Variants in RCHY1 observed in about 807,000 individuals in gnomAD.
The protein encoded by RCHY1 is ring finger and CHY zinc finger domain containing 1.
Under a neutral mutation model 41.6 loss-of-function variants are expected in RCHY1, and 21 were observed. The observed-to-expected ratio is 0.51, with a 90% CI of 0.36 to 0.73. RCHY1 has a LOEUF of 0.73. Among genes scored for constraint, RCHY1 ranks in the 30% least tolerant of loss-of-function variants. RCHY1 has a pLI of 0.00. For synonymous variants in RCHY1, 79 were observed against 102.9 expected, an observed-to-expected ratio of 0.77 and a Z score of 1.41; for missense variants, 265 against 325.3, an observed-to-expected ratio of 0.81 and a Z score of 1.43.
chr4:75,510,843 T>C (rs12639787), intron 1 of RCHY1, among the ~76,000 whole-genome samples: 1 of 152,150 alleles, frequency 6.6e-6, no homozygotes, highest in African/African-American at 2.4e-5. Flanking sequence ...ACTATATTTT[T>C]CCCCCCAAAC....
intron 4 of RCHY1, among the ~76,000 whole-genome samples, chr4:75,492,746 T>A (rs1722864336): frequency 6.6e-6 from 1 of 151,892 alleles, no homozygotes; most frequent in Admixed American, 6.6e-5. Context: ...TTTTGAAAGA[T>A]GACAGTATAG....
At chr4:75,494,427 A>G (rs933976376) in intron 3 of RCHY1, 14 of 380,110 alleles carry the variant, frequency 3.7e-5, no homozygotes, top group Non-Finnish European at 6.1e-5. Context: ...ACACAGACAC[A>G]CACACACATT....
At chr4:75,499,590 T>C (rs1416047831) in intron 3 of RCHY1, among the ~76,000 whole-genome samples, 1 of 152,134 alleles carries the variant, frequency 6.6e-6, no homozygotes, top group African/African-American at 2.4e-5. Context: ...TACTCAGCCA[T>C]TAAAAAGAAT....
intron 1 of RCHY1, among the ~76,000 whole-genome samples, chr4:75,513,385 C>T (rs1216775015): frequency 6.6e-6 from 1 of 152,154 alleles, no homozygotes; most frequent in East Asian, 1.9e-4. Flanking sequence ...TATACACGCC[C>T]TTTAGTATAT....
In RCHY1 at chr4:75,481,711, T is replaced by C. The variant is rs2148702155; in HGVS notation, c.*827A>G. The stretch of plus-strand genomic sequence containing the variant: ...TTTATCTTTATTGTTCACTGTTGTC[T>C]CTACAGCATCTAGAAACATATCTGC... On this transcript the variant is annotated 3_prime_UTR_variant, in exon 9 of 9. Coordinates refer to ENST00000324439, the MANE Select transcript of RCHY1 (RefSeq NM_015436.4). 1 of 152,334 alleles carries C rather than the reference T, an allele frequency of 6.6e-6. No homozygotes were observed. The highest frequency in any genetic ancestry group is 1.9e-4 in the East Asian group (1 of 5,186). 9.4% of individuals were successfully genotyped at this position (152,334 alleles called of 1,614,324 possible). A position where few individuals can be genotyped will look rare whatever the true frequency, so the allele number is the denominator to read the frequency against.
chr4:75,505,159 T>C (rs535947951), intron 3 of RCHY1, among the ~76,000 whole-genome samples: 15 of 152,184 alleles, frequency 9.9e-5, no homozygotes, highest in Non-Finnish European at 1.6e-4. Context: ...CTAGATCCCT[T>C]GAATGCACAG....
At chr4:75,496,548 T>C (rs1294757542) in intron 3 of RCHY1, among the ~76,000 whole-genome samples, 2 of 152,114 alleles carry the variant, frequency 1.3e-5, no homozygotes, top group African/African-American at 4.8e-5. Flanking sequence ...TACTCACACA[T>C]GGCTAGGAAC....
chr4:75,511,102 A>T (rs1249755208), intron 1 of RCHY1, among the ~76,000 whole-genome samples: 7 of 152,222 alleles, frequency 4.6e-5, no homozygotes, highest in Admixed American at 4.6e-4. Context: ...CCTTGGTTAC[A>T]TTAAAATCTA....
intron 1 of RCHY1, among the ~76,000 whole-genome samples, chr4:75,512,640 A>T (rs1725018059): frequency 6.6e-6 from 1 of 152,110 alleles, no homozygotes; most frequent in Admixed American, 6.5e-5. Context: ...ATCTCCCAGC[A>T]ACCACATCTT....
intron 8 of RCHY1, among the ~76,000 whole-genome samples, chr4:75,487,560 TTC>T (rs1722183339): frequency 2.9e-5 from 3 of 103,094 alleles, no homozygotes; most frequent in Admixed American, 1.2e-4. Context: ...TCATAATATA[TTC>T]ATAATATATA....
At chr4:75,486,566 T>C (rs887038371) in intron 8 of RCHY1, among the ~76,000 whole-genome samples, 2 of 152,118 alleles carry the variant, frequency 1.3e-5, no homozygotes, top group Non-Finnish European at 2.9e-5. Context: ...CCTAGGGTTT[T>C]CACTGGAAAT....
chr4:75,484,718 A>ACATTT (rs1454424042), intron 8 of RCHY1, among the ~76,000 whole-genome samples: 1 of 152,158 alleles, frequency 6.6e-6, no homozygotes, highest in African/African-American at 2.4e-5. Context: ...CACTTTTTAA[A>ACATTT]CATTTTATAG....
At chr4:75,483,572 A>G (rs1288562103) in intron 8 of RCHY1, among the ~76,000 whole-genome samples, 1 of 152,176 alleles carries the variant, frequency 6.6e-6, no homozygotes, top group Non-Finnish European at 1.5e-5. Flanking sequence ...ATTTAAATGA[A>G]TGAACTATAT....
At chr4:75,493,643 T>A (rs183527522) in intron 4 of RCHY1, among the ~76,000 whole-genome samples, 195 of 151,946 alleles carry the variant, frequency 1.3e-3, no homozygotes, top group African/African-American at 4.5e-3. Flanking sequence ...GATTTTTTTT[T>A]AAATAATGAA....
At chr4:75,497,024 T>C (rs1317947475) in intron 3 of RCHY1, among the ~76,000 whole-genome samples, 1 of 152,106 alleles carries the variant, frequency 6.6e-6, no homozygotes, top group Non-Finnish European at 1.5e-5. Flanking sequence ...ATCAAACTTC[T>C]AGACATAAAA....
chr4:75,511,222 C>T (rs1410100605), intron 1 of RCHY1, among the ~76,000 whole-genome samples: 1 of 152,058 alleles, frequency 6.6e-6, no homozygotes. Flanking sequence ...ATTTAACATG[C>T]AATATCAAAA....
chr4:75,494,064 G>GT (rs1476841484), intron 4 of RCHY1, 37 bp downstream of exon 4: 1 of 1,191,020 alleles, frequency 8.4e-7, no homozygotes, highest in Admixed American at 2.7e-5. Context: ...CAAAAACACT[G>GT]TAATATTTTT....
In RCHY1 at chr4:75,514,045, G is replaced by A. The variant is rs186639389; in HGVS notation, c.90+152C>T. 39 of 1,237,812 alleles carry A rather than the reference G, an allele frequency of 3.2e-5. 1 individual carries two copies. The Admixed American group carries it at 5.3e-4, about 17-fold the overall frequency. The allele number at this position is 1,237,812 out of a possible 1,614,324, so 76.7% of individuals were successfully genotyped here. On this transcript the variant is annotated intron_variant, in intron 1 of 8. Coordinates refer to ENST00000324439, the MANE Select transcript of RCHY1 (RefSeq NM_015436.4). The stretch of plus-strand genomic sequence containing the variant: ...TGGGGCTTATCGCCTTGCCAAAAAC[G>A]TTCTCCTCAAGAAGAACCCAGTTCC...
rs1724668416 is a variant in RCHY1, at chr4:75,509,493, T to C, written c.91-197A>G. 3 of 507,796 alleles carry C rather than the reference T, an allele frequency of 5.9e-6. No individual in the cohort carries two copies. In the Admixed American group the frequency reaches 1.0e-4, roughly 17 times the overall value. 31.5% of individuals were successfully genotyped at this position (507,796 alleles called of 1,614,324 possible). A position where few individuals can be genotyped will look rare whatever the true frequency, so the allele number is the denominator to read the frequency against. The stretch of plus-strand genomic sequence containing the variant: ...TTTATGTTAATTCTTCCCTTCAACA[T>C]CACTACGTCTGTATGAAGTTGAACA... On this transcript the variant is annotated intron_variant, in intron 1 of 8. Coordinates refer to ENST00000324439, the MANE Select transcript of RCHY1 (RefSeq NM_015436.4).
Sources: allele counts gnomAD v4.1 joint callset (sites outside exome capture counted in the v4.1 genomes callset), GRCh38; gene constraint gnomAD v4.1.1; transcripts MANE v1.5; gene names NCBI Gene and HGNC (gene_info 2026-07-23, HGNC 2026-07-21).